Variants in GALNT2 observed in about 807,000 individuals in gnomAD.
GALNT2 encodes UDP-GalNAc:polypeptide N-acetylgalactosaminyltransferase 2.
In GALNT2, 31 loss-of-function variants were observed where a neutral mutation model predicts 81.4. The ratio of observed to expected loss-of-function variants is 0.38; its 90% CI spans 0.29 to 0.51. The LOEUF (loss-of-function observed/expected upper bound fraction) is 0.51. Among genes scored for constraint, GALNT2 ranks in the 20% least tolerant of loss-of-function variants. The probability of loss-of-function intolerance (pLI) is 0.87; values close to 1 mark genes in which losing one functional copy is unlikely to be tolerated. For synonymous variants in GALNT2, 303 were observed against 287.4 expected, an observed-to-expected ratio of 1.05 and a Z score of -0.55; for missense variants, 629 against 765.7, an observed-to-expected ratio of 0.82 and a Z score of 2.11.
At chr1:230,195,560 C>T (rs1004156226) in intron 2 of GALNT2, among the ~76,000 whole-genome samples, 1 of 152,172 alleles carries the variant, frequency 6.6e-6, no homozygotes, top group African/African-American at 2.4e-5. Flanking sequence ...ACATACATCG[C>T]AGTGGCCCTG....
At chr1:230,076,861 C>G (rs1370235143) in intron 1 of GALNT2, among the ~76,000 whole-genome samples, 1 of 152,120 alleles carries the variant, frequency 6.6e-6, no homozygotes, top group Admixed American at 6.5e-5. Flanking sequence ...ATTTGAGAGG[C>G]CTTCACATTC....
At chr1:230,112,464 C>G (rs1331928184) in intron 1 of GALNT2, among the ~76,000 whole-genome samples, 1 of 151,820 alleles carries the variant, frequency 6.6e-6, no homozygotes, top group African/African-American at 2.4e-5. Flanking sequence ...GATCAGAAAG[C>G]ATTTATGCCT....
chr1:230,151,837 G>A (rs1369867436), intron 1 of GALNT2, among the ~76,000 whole-genome samples: 4 of 152,218 alleles, frequency 2.6e-5, no homozygotes, highest in Admixed American at 1.3e-4. Context: ...GAGCAGCCTC[G>A]AGAGCTGCTG....
chr1:230,157,092 C>CTGTGGT (rs1662279917), intron 1 of GALNT2, among the ~76,000 whole-genome samples: 1 of 152,178 alleles, frequency 6.6e-6, no homozygotes, highest in Non-Finnish European at 1.5e-5. Context: ...TCATTTAAGG[C>CTGTGGT]CTCGTGTACT....
chr1:230,176,706 A>C (rs1031032628), intron 1 of GALNT2, among the ~76,000 whole-genome samples: 7 of 152,212 alleles, frequency 4.6e-5, no homozygotes, highest in Non-Finnish European at 1.0e-4. Context: ...CCAGTAGTAA[A>C]TTGAAAGTTT....
chr1:230,127,840 A>G (rs996724148), intron 1 of GALNT2, among the ~76,000 whole-genome samples: 5 of 152,170 alleles, frequency 3.3e-5, no homozygotes, highest in Non-Finnish European at 7.4e-5. Flanking sequence ...CTCATTCCTC[A>G]TTACCACGGT....
intron 3 of GALNT2, among the ~76,000 whole-genome samples, chr1:230,206,983 A>G (rs573500014): frequency 6.6e-6 from 1 of 151,586 alleles, no homozygotes; most frequent in East Asian, 2.0e-4. Context: ...CCCCACTCCA[A>G]AACTTCCCGT....
In GALNT2 at chr1:230,158,732, C is replaced by T. The variant is rs555832960; in HGVS notation, c.127-19486C>T. 5.2e-5 allele frequency among the ~76,000 whole-genome samples: 8 copies of T among 152,382 alleles called. No individual in the cohort carries two copies. The South Asian group carries it at 1.7e-3, about 32-fold the overall frequency. ...ATCAGCAGCCTTTCAGGTCCTTTCT[C>T]TCCTTCTGGAAGCTCTTGCATGTTG... On this transcript the variant is annotated intron_variant, in intron 1 of 15. Transcript: ENST00000366672.
intron 1 of GALNT2, among the ~76,000 whole-genome samples, chr1:230,074,665 G>A (rs373352576): frequency 1.1e-4 from 17 of 152,294 alleles, no homozygotes; most frequent in African/African-American, 4.1e-4. Flanking sequence ...TGTGTGGTCT[G>A]GGGTGAACCA....
At chr1:230,177,975 T>C (rs1228929319) in intron 1 of GALNT2, among the ~76,000 whole-genome samples, 1 of 152,160 alleles carries the variant, frequency 6.6e-6, no homozygotes, top group African/African-American at 2.4e-5. Flanking sequence ...GCAATACAAA[T>C]ATAAAATGAA....
chr1:230,255,417 G>A, intron 11 of GALNT2, 73 bp downstream of exon 11: 1 of 1,594,208 alleles, frequency 6.3e-7, no homozygotes, highest in Non-Finnish European at 8.6e-7. Context: ...ACCTTGGGCT[G>A]TTTGAGGACA....
chr1:230,242,879 C>T (rs1182554892), intron 6 of GALNT2, among the ~76,000 whole-genome samples: 8 of 152,182 alleles, frequency 5.3e-5, no homozygotes, highest in Admixed American at 4.6e-4. Flanking sequence ...GAGATAGTCA[C>T]AACACTGTTG....
intron 1 of GALNT2, among the ~76,000 whole-genome samples, chr1:230,117,471 G>A (rs1276185982): frequency 6.6e-6 from 1 of 152,212 alleles, no homozygotes; most frequent in African/African-American, 2.4e-5. Context: ...TTTAAGGTGA[G>A]AGATGTGCCG....
At chr1:230,072,884 C>T (rs1659419705) in intron 1 of GALNT2, among the ~76,000 whole-genome samples, 1 of 152,192 alleles carries the variant, frequency 6.6e-6, no homozygotes, top group Non-Finnish European at 1.5e-5. Flanking sequence ...TGATTGTCAC[C>T]CCTGCAAATG....
At chr1:230,127,836 C>T (rs376143436) in intron 1 of GALNT2, among the ~76,000 whole-genome samples, 1 of 152,190 alleles carries the variant, frequency 6.6e-6, no homozygotes, top group Non-Finnish European at 1.5e-5. Context: ...GTAACTCATT[C>T]CTCATTACCA....
chr1:230,202,832 T>C (rs938328781), intron 2 of GALNT2, among the ~76,000 whole-genome samples: 1 of 152,244 alleles, frequency 6.6e-6, no homozygotes, highest in Admixed American at 6.5e-5. Flanking sequence ...CATCTCCTTT[T>C]ATAGAAAACA....
intron 1 of GALNT2, among the ~76,000 whole-genome samples, chr1:230,086,798 A>G (rs182280609): frequency 2.0e-5 from 3 of 152,256 alleles, no homozygotes; most frequent in Admixed American, 1.3e-4. Flanking sequence ...TGTTTGTGCT[A>G]TTGGGGACCA....
upstream of GALNT2, chr1:230,057,950 C>T: frequency 2.2e-6 from 1 of 447,244 alleles, no homozygotes; most frequent in East Asian, 7.1e-5. Context: ...TCCGCTGGCT[C>T]CTTTCCCCAG....
At chr1:230,083,315 TGGGGAGCGAGGATGATGGAGCA>T (rs1659801720) in intron 1 of GALNT2, among the ~76,000 whole-genome samples, 1 of 79,410 alleles carries the variant, frequency 1.3e-5, no homozygotes, top group Non-Finnish European at 2.5e-5. Context: ...GATGATGGAG[TGGGGAGCGAGGATGATGGAGCA>T]GGGGAGCCGG....
Sources: gnomAD v4.1 joint callset for allele counts (sites outside exome capture counted in the v4.1 genomes callset) on GRCh38, gnomAD v4.1.1 for gene constraint, MANE v1.5 for transcripts, NCBI Gene and HGNC (gene_info 2026-07-23, HGNC 2026-07-21) for gene names.